The following ZFHX4 variants were observed in gnomAD, a reference collection of about 807,000 sequenced individuals.
ZFHX4 encodes zinc finger homeobox 4, also known as zinc finger homeobox protein 4.
Under a neutral mutation model 267.6 loss-of-function variants are expected in ZFHX4, and 56 were observed. The ratio of observed to expected loss-of-function variants is 0.21; its 90% CI spans 0.17 to 0.26. ZFHX4 has a LOEUF of 0.26. ZFHX4 is among the 10% of genes least tolerant of loss of function. ZFHX4 has a pLI of 1.00. For synonymous variants in ZFHX4, 1,778 were observed against 1,665.6 expected, an observed-to-expected ratio of 1.07 and a Z score of -1.64; for missense variants, 4,332 against 4,420.0, an observed-to-expected ratio of 0.98 and a Z score of 0.56.
chr8:76,729,774 TATAAC>T (rs1808949846), intron 3 of ZFHX4, among the ~76,000 whole-genome samples: 1 of 152,162 alleles, frequency 6.6e-6, no homozygotes, highest in Non-Finnish European at 1.5e-5. Flanking sequence ...CCAAAAGACA[TATAAC>T]AGATTGAAAA....
intron 5 of ZFHX4, among the ~76,000 whole-genome samples, chr8:76,837,540 C>T (rs1812124063): frequency 1.3e-5 from 2 of 151,012 alleles, no homozygotes; most frequent in South Asian, 4.2e-4. Context: ...AAATCAAACA[C>T]CCCTTTTACA....
chr8:76,859,527 T>TA (rs976954375), intron 10 of ZFHX4, among the ~76,000 whole-genome samples: 6 of 152,106 alleles, frequency 3.9e-5, no homozygotes, highest in Non-Finnish European at 7.4e-5. Flanking sequence ...TCAAAGTGAA[T>TA]AAAAAAATTA....
At chr8:76,740,373 A>C (rs940209328) in intron 3 of ZFHX4, among the ~76,000 whole-genome samples, 1 of 151,978 alleles carries the variant, frequency 6.6e-6, no homozygotes, top group African/African-American at 2.4e-5. Context: ...GAGGGAAAGA[A>C]GAGTATAAAA....
At chr8:76,797,740 A>G (rs904170511) in intron 4 of ZFHX4, among the ~76,000 whole-genome samples, 4 of 152,206 alleles carry the variant, frequency 2.6e-5, no homozygotes, top group Non-Finnish European at 2.9e-5. Context: ...GAAAATGTCT[A>G]GTAATGATGC....
At position 76,852,148 on chromosome 8, in the gene ZFHX4, A is replaced by G; in HGVS notation, c.5227A>G (p.Ile1743Val). Reference sequence around the variant, plus strand: ...GCCTCAGTTTCTCTTTCCATTTTATATACCTGGGACGGAGTTCAGCTTGGG... The same window carrying G: ...GCCTCAGTTTCTCTTTCCATTTTATGTACCTGGGACGGAGTTCAGCTTGGG... ...QQPQFLFPFY[I>V]PGTEFSLGPD... is the part of the protein sequence containing the mutation. The change falls in exon 10 of 11, where the codon ATA becomes GTA. Residue 1743 changes from isoleucine to valine, a missense_variant. Transcript: ENST00000651372. The G allele has an allele frequency of 1.2e-6, 2 of 1,613,796 alleles. No homozygotes were observed. The highest frequency in any genetic ancestry group is 1.7e-6 in the Non-Finnish European group (2 of 1,179,770).
intron 4 of ZFHX4, among the ~76,000 whole-genome samples, chr8:76,780,375 A>G (rs1324750515): frequency 6.6e-6 from 1 of 152,198 alleles, no homozygotes; most frequent in Non-Finnish European, 1.5e-5. Flanking sequence ...CAGTGGTTGT[A>G]GAAAACTAAG....
At chr8:76,846,330 G>C (rs913627307) in intron 6 of ZFHX4, among the ~76,000 whole-genome samples, 1 of 151,836 alleles carries the variant, frequency 6.6e-6, no homozygotes, top group Non-Finnish European at 1.5e-5. Flanking sequence ...CATTTTTGAC[G>C]TACCTAGCTA....
chr8:76,694,697 C>T, intron 1 of ZFHX4, among the ~76,000 whole-genome samples: 2 of 122,892 alleles, frequency 1.6e-5, no homozygotes, highest in African/African-American at 3.0e-5. Flanking sequence ...CTCCCGCCCC[C>T]GCCTCTGCCC....
chr8:76,707,334 T>A (rs142025396), intron 2 of ZFHX4, among the ~76,000 whole-genome samples: 14 of 152,200 alleles, frequency 9.2e-5, no homozygotes, highest in Non-Finnish European at 1.6e-4. Flanking sequence ...AATGACATCA[T>A]GCCCAGTAGG....
chr8:76,826,936 A>T (rs1173196533), intron 4 of ZFHX4, among the ~76,000 whole-genome samples: 2 of 152,260 alleles, frequency 1.3e-5, no homozygotes, highest in African/African-American at 4.8e-5. Context: ...CTCAGCACAA[A>T]CAAAGGCTAT....
intron 4 of ZFHX4, among the ~76,000 whole-genome samples, chr8:76,787,267 C>T (rs964440180): frequency 6.6e-6 from 1 of 151,982 alleles, no homozygotes; most frequent in Non-Finnish European, 1.5e-5. Flanking sequence ...GTCATGAGAA[C>T]CCAGATAAGG....
Position 76,852,741 on chromosome 8 carries a change from C to A in ZFHX4, c.5820C>A (p.Gly1940=). 6.2e-7 allele frequency: 1 copy of A among 1,613,584 alleles called. No individual in the cohort carries two copies. The highest frequency in any genetic ancestry group is 8.5e-7 in the Non-Finnish European group (1 of 1,179,758). ...KVQKKGKSGE[G]ENTDKLECGT... ...AGAAGAAGGGCAAAAGTGGTGAAGG[C>A]GAAAACACTGACAAACTAGAATGTG... Residue 1940 remains glycine (G), a synonymous_variant, in exon 10 of 11, where the codon GGC becomes GGA. Transcript: ENST00000651372.
intron 5 of ZFHX4, among the ~76,000 whole-genome samples, chr8:76,837,749 G>A (rs1038458779): frequency 6.6e-6 from 1 of 152,098 alleles, no homozygotes; most frequent in Non-Finnish European, 1.5e-5. Context: ...ACCTATTACA[G>A]CAAGTAGGCA....
At chr8:76,707,028 A>C (rs1419217062) in intron 2 of ZFHX4, among the ~76,000 whole-genome samples, 2 of 152,238 alleles carry the variant, frequency 1.3e-5, no homozygotes, top group Non-Finnish European at 1.5e-5. Context: ...CTAACATATC[A>C]AACGAGCTTT....
chr8:76,808,196 T>A lies in ZFHX4; in HGVS notation c.3326-25142T>A, dbSNP rs1007793137. ...AGTCAATAGAAGCCAAAAAAACTTT[T>A]ACTAGTCAATTGTTCAAAGATTTCA... is the stretch of plus-strand genomic sequence containing the variant. On this transcript the variant is annotated intron_variant, in intron 4 of 10. Coordinates refer to ENST00000651372, the MANE Select transcript of ZFHX4 (RefSeq NM_024721.5). 2.9e-4 allele frequency among the ~76,000 whole-genome samples: 44 copies of A among 152,148 alleles called. 1 individual carries two copies. The highest frequency in any genetic ancestry group is 2.9e-5 in the Non-Finnish European group (2 of 68,018).
intron 4 of ZFHX4, among the ~76,000 whole-genome samples, chr8:76,797,626 G>C (rs1268165704): frequency 6.6e-6 from 1 of 152,096 alleles, no homozygotes; most frequent in Non-Finnish European, 1.5e-5. Context: ...TAATCAACTT[G>C]TTCTGCTGAA....
chr8:76,851,302 G>T lies in ZFHX4; in HGVS notation c.4381G>T (p.Ala1461Ser). 1.9e-6 allele frequency: 3 copies of T among 1,613,730 alleles called. No individual in the cohort carries two copies. Among genetic ancestry groups the T allele is most frequent in the Middle Eastern group, 1.6e-4 (1 of 6,062 alleles). ...TGAAGCTGAACTTCAACAGCTATAT[G>T]CCTCCTTGCCCGTGAATGGAGAACT... ...LSEAELQQLYASLPVNGELWA... is the reference protein window; with the variant it reads ...LSEAELQQLYSSLPVNGELWA... The change falls in exon 10 of 11, where the codon GCC becomes TCC. Residue 1461 changes from alanine (A) to serine (S), a missense_variant. Coordinates refer to ENST00000651372, the MANE Select transcript of ZFHX4 (RefSeq NM_024721.5).
rs554187596 is a variant in ZFHX4 at position 76,851,808 on chromosome 8, T to G, written c.4887T>G (p.Ser1629Arg). ...TKARAAKLEP[S>R]GHVAGGHSIA... The stretch of plus-strand genomic sequence containing the variant: ...CTAGGGCTGCAAAGCTGGAGCCCAG[T>G]GGTCATGTGGCTGGTGGGCACAGCA... Residue 1629 changes from serine to arginine, a missense_variant, in exon 10 of 11, where the codon AGT becomes AGG. Ser to Arg is a moderately radical substitution (Grantham distance 110). Around this residue, in one of 7 missense-constraint regions of ZFHX4, gnomAD observed 1,371 missense variants for 1,423.1 expected, o/e 0.96. Coordinates refer to ENST00000651372, the MANE Select transcript of ZFHX4 (RefSeq NM_024721.5). 48 of 1,613,932 alleles carry G rather than the reference T, an allele frequency of 3.0e-5. No individual in the cohort carries two copies. The East Asian group carries it at 1.0e-3, about 34-fold the overall frequency.
At chr8:76,828,761 A>T (rs1811852358) in intron 4 of ZFHX4, among the ~76,000 whole-genome samples, 1 of 152,108 alleles carries the variant, frequency 6.6e-6, no homozygotes. Context: ...CTTTTTATGC[A>T]ATTTAAAAAA....
Sources: gnomAD v4.1 joint callset for allele counts (sites outside exome capture counted in the v4.1 genomes callset) on GRCh38, gnomAD v4.1.1 for gene constraint, gnomAD v4.1.1 regional missense constraint, MANE v1.5 for transcripts, NCBI Gene and HGNC (gene_info 2026-07-23, HGNC 2026-07-21) for gene names.